BEST3: variants seen among roughly 807,000 people sequenced by gnomAD.
BEST3 encodes the protein bestrophin-3.
BEST3 carries 50 observed loss-of-function variants against 47.1 expected under a neutral mutation model. The observed-to-expected ratio is 1.06, with a 90% CI of 0.85 to 1.34. BEST3 has a LOEUF of 1.34. Ranked by LOEUF, BEST3 falls within the 40% of genes most tolerant of loss-of-function variation. The pLI is 0.00. For synonymous variants in BEST3, 282 were observed against 298.8 expected (o/e 0.94, Z 0.58); for missense variants, 765 against 817.0 (o/e 0.94, Z 0.78).
downstream of BEST3, chr12:69,643,514 T>G: frequency 4.7e-6 from 2 of 427,180 alleles, no homozygotes; most frequent in Admixed American, 4.0e-5. Flanking sequence ...AGAGTGAAAA[T>G]TACCATTAAA....
chr12:69,680,930 T>C (rs974650839), intron 4 of BEST3, among the ~76,000 whole-genome samples: 3 of 135,350 alleles, frequency 2.2e-5, no homozygotes, highest in African/African-American at 7.7e-5. Context: ...TCTCTATATA[T>C]TAACATTAAT....
chr12:69,694,153 T>C, intron 3 of BEST3: 1 of 572,028 alleles, frequency 1.7e-6, no homozygotes, highest in Non-Finnish European at 3.1e-6. Context: ...AAGAGAAAGC[T>C]TAAATGTCCA....
intron 3 of BEST3, 58 bp downstream of exon 3, chr12:69,694,312 G>C (rs564700058): frequency 1.2e-5 from 13 of 1,080,374 alleles, no homozygotes; most frequent in Non-Finnish European, 1.8e-5. Flanking sequence ...CAGAGTCATC[G>C]GTGTCATCCT....
chr12:69,667,266 T>C (rs1419307827), intron 9 of BEST3, among the ~76,000 whole-genome samples: 1 of 152,192 alleles, frequency 6.6e-6, no homozygotes, highest in Non-Finnish European at 1.5e-5. Flanking sequence ...CAATTCTATC[T>C]GTGCACTGGC....
rs1884671793 is a variant in BEST3, at chr12:69,672,939, A to G, written c.894T>C (p.Phe298=). 4.3e-6 allele frequency: 7 copies of G among 1,613,480 alleles called. No homozygotes were observed. The highest frequency in any genetic ancestry group is 5.9e-6 in the Non-Finnish European group (7 of 1,179,660). The part of the protein sequence containing the change: ...LKVAEQLINP[F]GEDDDDFETN... ...TTTCAAAATCATCATCATCTTCTCC[A>G]AAAGGGTTGATAAGCTGCTCTGCTA... The change falls in exon 8 of 10, where the codon TTT becomes TTC. Residue 298 remains phenylalanine, a synonymous_variant. Transcript: ENST00000330891.
downstream of BEST3, chr12:69,653,530 T>A (rs1215384942): frequency 3.0e-6 from 2 of 664,544 alleles, no homozygotes; most frequent in African/African-American, 3.9e-5. Context: ...GTTTCTCTCG[T>A]CTTTAAAATG....
intron 4 of BEST3, among the ~76,000 whole-genome samples, chr12:69,690,942 G>A (rs1028991979): frequency 2.6e-5 from 4 of 151,930 alleles, no homozygotes; most frequent in African/African-American, 4.8e-5. Context: ...CATGTGCCAG[G>A]CCTTCAGACC....
intron 8 of BEST3, among the ~76,000 whole-genome samples, chr12:69,671,864 G>A (rs896706029): frequency 6.6e-6 from 1 of 152,152 alleles, no homozygotes; most frequent in African/African-American, 2.4e-5. Context: ...TTAGCTGGAG[G>A]GAGGGGAGCC....
chr12:69,690,649 C>T (rs775686188), intron 4 of BEST3, among the ~76,000 whole-genome samples: 130 of 152,166 alleles, frequency 8.5e-4, no homozygotes, highest in Non-Finnish European at 1.2e-3. Flanking sequence ...TTCAAGGATG[C>T]GTCAGAACTA....
chr12:69,655,418 A>G lies in BEST3; in HGVS notation c.1496T>C (p.Leu499Pro). Residue 499 changes from leucine (L) to proline (P), a missense_variant, in exon 10 of 10, where the codon CTG becomes CCG. Physicochemically the swap from Leu to Pro is moderately conservative, Grantham distance 98 (BLOSUM62 -3). Transcript: ENST00000330891. ...SVRTSPIKMP[L>P]VPEVLITAAE... ...TGCTGTGATCAATACCTCAGGTACC[A>G]GTGGCATTTTGATGGGGGAAGTTCT... 1 of 1,614,134 alleles carries G rather than the reference A, an allele frequency of 6.2e-7. No individual in the cohort carries two copies. The highest frequency in any genetic ancestry group is 8.5e-7 in the Non-Finnish European group (1 of 1,180,016).
intron 9 of BEST3, among the ~76,000 whole-genome samples, chr12:69,657,952 T>G (rs1883615172): frequency 6.6e-6 from 1 of 152,202 alleles, no homozygotes; most frequent in Non-Finnish European, 1.5e-5. Context: ...AAATGCAGAC[T>G]CATGCTTCAG....
downstream of BEST3, among the ~76,000 whole-genome samples, chr12:69,652,932 C>T (rs947501070): frequency 2.0e-5 from 3 of 152,166 alleles, no homozygotes; most frequent in African/African-American, 4.8e-5. Context: ...TTGGGAATAA[C>T]GGGGCTTTCC....
chr12:69,671,830 C>T (rs1366121945), intron 8 of BEST3, among the ~76,000 whole-genome samples: 2 of 152,144 alleles, frequency 1.3e-5, no homozygotes, highest in Admixed American at 1.3e-4. Flanking sequence ...GATCAAACCA[C>T]ACACTCTAGA....
chr12:69,655,108 G>A lies in BEST3; in HGVS notation c.1806C>T (p.Ser602=), dbSNP rs1565820260. The A allele has an allele frequency of 6.2e-7, 1 of 1,614,140 alleles. No homozygotes were observed. Among genetic ancestry groups the A allele is most frequent in the South Asian group, 1.1e-5 (1 of 91,086 alleles). Residue 602 remains serine (S), a synonymous_variant, in exon 10 of 10, where the codon TCC becomes TCT. Transcript: ENST00000330891. The part of the protein sequence containing the change: ...LPGFLGSSHT[S]LGNLSPDPMS... ...TGGGGTCTGGACTTAGGTTTCCCAG[G>A]GAAGTGTGGCTGGACCCCAGGAATC...
At chr12:69,679,718 G>A (rs1324749155) in intron 4 of BEST3, among the ~76,000 whole-genome samples, 1 of 152,130 alleles carries the variant, frequency 6.6e-6, no homozygotes, top group Non-Finnish European at 1.5e-5. Context: ...AAAATTAGCC[G>A]GGCATGGTGG....
rs189921489 is a variant in BEST3, at chr12:69,668,151, T to C, written c.1100+3277A>G. On this transcript the variant is annotated intron_variant, in intron 9 of 9. Coordinates refer to ENST00000330891, the MANE Select transcript of BEST3 (RefSeq NM_032735.3). ...CTTCTTGCAGGTGGCCCTTGGAGAG[T>C]AGTACTTTTGCTCTGTTCTTGAAGG... Among the ~76,000 whole-genome samples, 467 of 152,200 alleles carry C rather than the reference T, an allele frequency of 3.1e-3. 1 individual carries two copies. Among genetic ancestry groups the C allele is most frequent in the African/African-American group, 0.011 (441 of 41,516 alleles).
intron 9 of BEST3, among the ~76,000 whole-genome samples, chr12:69,667,589 C>T (rs1195020061): frequency 6.6e-6 from 1 of 152,182 alleles, no homozygotes; most frequent in Admixed American, 6.5e-5. Flanking sequence ...AGCCACCATG[C>T]CCGCCTCCTA....
chr12:69,670,174 C>T, intron 9 of BEST3: 1 of 335,624 alleles, frequency 3.0e-6, no homozygotes, highest in East Asian at 4.7e-5. Flanking sequence ...GAAGCTCTGC[C>T]CCTGCAGAAG....
intron 4 of BEST3, among the ~76,000 whole-genome samples, chr12:69,693,245 C>CTTTTTTTTTTTTTTTTT (rs71094730): frequency 2.2e-5 from 3 of 136,660 alleles, no homozygotes; most frequent in Admixed American, 7.8e-5. Flanking sequence ...CTCTCTCTCT[C>CTTTTTTTTTTTTTTTTT]TTTTTTTTTT....
Sources: gnomAD v4.1 joint callset for allele counts (sites outside exome capture counted in the v4.1 genomes callset) on GRCh38, gnomAD v4.1.1 for gene constraint, MANE v1.5 for transcripts, NCBI Gene and HGNC (gene_info 2026-07-23, HGNC 2026-07-21) for gene names.